Variants in SNAP25 observed in about 807,000 individuals in gnomAD.
SNAP25 encodes synaptosomal-associated protein 25.
In SNAP25, 3 loss-of-function variants were observed where a neutral mutation model predicts 28.7. The ratio of observed to expected loss-of-function variants is 0.10; its 90% CI spans 0.05 to 0.27. The LOEUF is 0.27. Ranked by LOEUF, SNAP25 falls within the 10% of genes least tolerant of loss-of-function variation. The pLI is 1.00. For synonymous variants in SNAP25, 61 were observed against 88.1 expected (o/e 0.69, Z 1.72); for missense variants, 117 against 278.7 (o/e 0.42, Z 4.13).
At chr20:10,234,185 ATT>A (rs5840368) in intron 1 of SNAP25, among the ~76,000 whole-genome samples, 24 of 150,264 alleles carry the variant, frequency 1.6e-4, no homozygotes, top group Admixed American at 1.1e-3. Flanking sequence ...CTATTATTTA[ATT>A]TTTTTTTTTG....
rs577158510 is a variant in SNAP25, at chr20:10,259,840, A to G, written c.-63-15589A>G. Among the ~76,000 whole-genome samples the G allele has an allele frequency of 9.9e-5, 15 of 152,280 alleles. No homozygotes were observed. In the East Asian group the frequency reaches 2.7e-3, roughly 27 times the overall value. On this transcript the variant is annotated intron_variant, in intron 1 of 7. Coordinates refer to ENST00000254976, the MANE Select transcript of SNAP25 (RefSeq NM_130811.4). ...GCTTGAGCCGCTGTGCCCAGCCAGA[A>G]CCCATTCTTATGAAGTGACCTGGGT... is the stretch of plus-strand genomic sequence containing the variant.
intron 1 of SNAP25, among the ~76,000 whole-genome samples, chr20:10,234,927 G>A (rs899732495): frequency 6.6e-6 from 1 of 152,200 alleles, no homozygotes; most frequent in African/African-American, 2.4e-5. Context: ...GCTGGGCATG[G>A]TGATGTGCAC....
At chr20:10,248,228 G>C (rs903675172) in intron 1 of SNAP25, among the ~76,000 whole-genome samples, 1 of 152,208 alleles carries the variant, frequency 6.6e-6, no homozygotes, top group East Asian at 1.9e-4. Flanking sequence ...TAAGGATAAG[G>C]GTACAGGGTG....
chr20:10,272,829 C>T (rs2122981022), intron 1 of SNAP25, among the ~76,000 whole-genome samples: 1 of 152,204 alleles, frequency 6.6e-6, no homozygotes, highest in South Asian at 2.1e-4. Context: ...TTTGTTATTT[C>T]TTTTTTTACT....
At chr20:10,294,227 A>C (rs2123125612) in intron 5 of SNAP25, among the ~76,000 whole-genome samples, 1 of 152,232 alleles carries the variant, frequency 6.6e-6, no homozygotes, top group Non-Finnish European at 1.5e-5. Context: ...TCCTGATCCT[A>C]GCTTTTAGAA....
chr20:10,265,024 G>C (rs1228707863), intron 1 of SNAP25, among the ~76,000 whole-genome samples: 1 of 150,898 alleles, frequency 6.6e-6, no homozygotes, highest in Non-Finnish European at 1.5e-5. Context: ...GAGCCACTGT[G>C]ACTCATCTGT....
chr20:10,253,710 C>G (rs1386722039), intron 1 of SNAP25, among the ~76,000 whole-genome samples: 1 of 152,128 alleles, frequency 6.6e-6, no homozygotes, highest in East Asian at 1.9e-4. Flanking sequence ...AGGACAATTC[C>G]CCTTTGCGGT....
At chr20:10,230,283 A>G (rs878894557) in intron 1 of SNAP25, among the ~76,000 whole-genome samples, 6 of 152,152 alleles carry the variant, frequency 3.9e-5, no homozygotes, top group Admixed American at 3.9e-4. Flanking sequence ...TGGAGGGAAT[A>G]TCATCCCAAC....
rs539936815 is a variant in SNAP25, at chr20:10,273,820, T to C, written c.-63-1609T>C. Among the ~76,000 whole-genome samples, 4 of 152,324 alleles carry C rather than the reference T, an allele frequency of 2.6e-5. No homozygotes were observed. The South Asian group carries it at 8.3e-4, about 32-fold the overall frequency. On this transcript the variant is annotated intron_variant, in intron 1 of 7. Coordinates refer to ENST00000254976, the MANE Select transcript of SNAP25 (RefSeq NM_130811.4). Reference sequence around the variant, plus strand: ...CTACAAGACAAGAGCCCATGCCTTCTTCAAATGTGCTACTCACAGAGAATT... The same window carrying C: ...CTACAAGACAAGAGCCCATGCCTTCCTCAAATGTGCTACTCACAGAGAATT...
At chr20:10,275,066 T>C (rs1398501259) in intron 1 of SNAP25, among the ~76,000 whole-genome samples, 1 of 125,962 alleles carries the variant, frequency 7.9e-6, no homozygotes, top group Non-Finnish European at 1.6e-5. Flanking sequence ...TTAATAGAGC[T>C]ATTTAAATAA....
At chr20:10,298,275 G>A (rs533610120) in intron 6 of SNAP25, among the ~76,000 whole-genome samples, 1 of 152,230 alleles carries the variant, frequency 6.6e-6, no homozygotes, top group South Asian at 2.1e-4. Flanking sequence ...AGCTATTGAT[G>A]ATCATTTAAA....
intron 1 of SNAP25, among the ~76,000 whole-genome samples, chr20:10,252,377 C>T (rs902124747): frequency 6.7e-6 from 1 of 148,866 alleles, no homozygotes; most frequent in Non-Finnish European, 1.5e-5. Flanking sequence ...CATACAACTA[C>T]AATGCTTGGG....
intron 1 of SNAP25, among the ~76,000 whole-genome samples, chr20:10,243,036 G>A (rs2063063080): frequency 6.6e-6 from 1 of 152,176 alleles, no homozygotes; most frequent in Non-Finnish European, 1.5e-5. Flanking sequence ...AGCTGCTTCT[G>A]TGATGGCCAC....
At chr20:10,261,544 A>G (rs1410291275) in intron 1 of SNAP25, among the ~76,000 whole-genome samples, 2 of 152,214 alleles carry the variant, frequency 1.3e-5, no homozygotes, top group Non-Finnish European at 2.9e-5. Flanking sequence ...TGGCTGGTGA[A>G]ATGAGCTTAG....
chr20:10,298,875 T>C (rs1048740489), intron 6 of SNAP25, among the ~76,000 whole-genome samples: 2 of 152,182 alleles, frequency 1.3e-5, no homozygotes, highest in Non-Finnish European at 1.5e-5. Flanking sequence ...CTTAGAAATA[T>C]TAAGAATATT....
chr20:10,269,326 C>T (rs772224393), intron 1 of SNAP25, among the ~76,000 whole-genome samples: 6 of 152,052 alleles, frequency 3.9e-5, no homozygotes, highest in Admixed American at 1.3e-4. Context: ...CACTTGAACC[C>T]GGGAGGTGGA....
In SNAP25 at chr20:10,307,279, A is replaced by G. The variant is rs2064384242; in HGVS notation, c.*1082A>G. On this transcript the variant is annotated 3_prime_UTR_variant, in exon 8 of 8. Transcript: ENST00000254976. The stretch of plus-strand genomic sequence containing the variant: ...GATAAAGAAACCTTTTAAAAAAATA[A>G]TATAAATGAATGAAATATAAACTGT... The G allele has an allele frequency of 6.5e-6, 1 of 152,690 alleles. No homozygotes were observed. The highest frequency in any genetic ancestry group is 1.5e-5 in the Non-Finnish European group (1 of 68,040). The allele number at this position is 152,690 out of a possible 1,614,324, so 9.5% of individuals were successfully genotyped here. A position where few individuals can be genotyped will look rare whatever the true frequency, so the allele number is the denominator to read the frequency against.
At chr20:10,289,906 A>G (rs942886660) in intron 4 of SNAP25, among the ~76,000 whole-genome samples, 10 of 152,074 alleles carry the variant, frequency 6.6e-5, no homozygotes, top group Non-Finnish European at 1.5e-4. Flanking sequence ...TCTATCACAA[A>G]TAACCAGTGA....
chr20:10,293,046 CTTT>C lies in SNAP25; in HGVS notation c.164-104_164-102del, dbSNP rs746018453. 146 of 1,120,162 alleles carry C rather than the reference CTTT, an allele frequency of 1.3e-4. No individual in the cohort carries two copies. The highest frequency in any genetic ancestry group is 1.6e-4 in the Non-Finnish European group (130 of 811,562). 69.4% of individuals were successfully genotyped at this position (1,120,162 alleles called of 1,614,324 possible). On this transcript the variant is annotated intron_variant, in intron 4 of 7. Coordinates refer to ENST00000254976, the MANE Select transcript of SNAP25 (RefSeq NM_130811.4). The surrounding 1 kb of genome is among the most constrained non-coding windows in gnomAD (Gnocchi z 5.6). Reference sequence around the variant, plus strand: ...TAATCTGTGGCGTCCAGTTTTCTTTCTTTTTTTTTTTTTCTTTTTTAATGTCAA... The same window carrying C: ...TAATCTGTGGCGTCCAGTTTTCTTTCTTTTTTTTTTCTTTTTTAATGTCAA...
Sources: allele counts gnomAD v4.1 joint callset (sites outside exome capture counted in the v4.1 genomes callset), GRCh38; gene constraint gnomAD v4.1.1; non-coding constraint Gnocchi (gnomAD v3.1); transcripts MANE v1.5; gene names NCBI Gene and HGNC (gene_info 2026-07-23, HGNC 2026-07-21).